DFFB: variants seen among roughly 807,000 people sequenced by gnomAD.
DFFB encodes DNA fragmentation factor subunit beta, also known as DNA fragmentation factor 40 kDa subunit.
DFFB carries 29 observed loss-of-function variants against 32.7 expected under a neutral mutation model. That is an observed-to-expected ratio of 0.89 (90% CI 0.66 to 1.21). The LOEUF (loss-of-function observed/expected upper bound fraction) is 1.21. Among genes scored for constraint, DFFB ranks in the 50% most tolerant of loss-of-function variants. The pLI is 0.00. For synonymous variants in DFFB, 170 were observed against 177.1 expected (o/e 0.96, Z 0.32); for missense variants, 398 against 440.6 (o/e 0.90, Z 0.87).
chr1:3,873,220 G>A (rs755144483), intron 6 of DFFB: 10 of 175,592 alleles, frequency 5.7e-5, no homozygotes, highest in Non-Finnish European at 8.8e-5. Flanking sequence ...TTTCACAGCC[G>A]TACGAGCTCT....
At position 3,883,805 on chromosome 1, in the gene DFFB, CTTTT is replaced by C. The variant is rs1412987282; in HGVS notation, c.*67_*70del. ...ACGTGGGCATCATTTTAACAGGTGCCTTTTTTGTTTTTTTGTTTTTCGTTTTTTT... is the reference window on the plus strand; with the variant it reads ...ACGTGGGCATCATTTTAACAGGTGCCTTGTTTTTTTGTTTTTCGTTTTTTT... On this transcript the variant is annotated 3_prime_UTR_variant, in exon 7 of 7. Coordinates refer to ENST00000378209, the MANE Select transcript of DFFB (RefSeq NM_004402.4). 105 of 1,471,554 alleles carry C rather than the reference CTTTT, an allele frequency of 7.1e-5. No individual in the cohort carries two copies. Among genetic ancestry groups the C allele is most frequent in the Non-Finnish European group, 9.5e-5 (102 of 1,072,948 alleles). The allele number at this position is 1,471,554 out of a possible 1,614,324, so 91.2% of individuals were successfully genotyped here.
intron 5 of DFFB, among the ~76,000 whole-genome samples, chr1:3,871,762 G>A (rs1221683693): frequency 1.3e-5 from 2 of 152,208 alleles, no homozygotes; most frequent in Non-Finnish European, 1.5e-5. Flanking sequence ...ATTGGCTTAC[G>A]GTTCAGCAGG....
chr1:3,878,539 G>T (rs184896898), intron 6 of DFFB, among the ~76,000 whole-genome samples: 2 of 152,152 alleles, frequency 1.3e-5, no homozygotes, highest in Non-Finnish European at 2.9e-5. Context: ...CCACCATGCC[G>T]CATCTTCACT....
chr1:3,879,240 G>A (rs141857717), intron 6 of DFFB, among the ~76,000 whole-genome samples: 3 of 152,280 alleles, frequency 2.0e-5, no homozygotes, highest in Admixed American at 6.5e-5. Context: ...ATGCTTCTGC[G>A]TTGATGAGGT....
chr1:3,861,153 CAAAAA>C (rs56961503), intron 2 of DFFB, among the ~76,000 whole-genome samples: 2 of 122,914 alleles, frequency 1.6e-5, no homozygotes, highest in Non-Finnish European at 1.6e-5. Context: ...GACTCCATCT[CAAAAA>C]AAAAAAAAAA....
intron 2 of DFFB, among the ~76,000 whole-genome samples, chr1:3,863,775 C>T (rs77858528): frequency 0.089 from 13,506 of 151,768 alleles, 621 homozygotes; most frequent in Middle Eastern, 0.11. Flanking sequence ...ATACCCAGAA[C>T]GGGGATGTTA....
intron 6 of DFFB, among the ~76,000 whole-genome samples, chr1:3,879,489 C>T (rs1426605268): frequency 1.3e-5 from 2 of 152,128 alleles, no homozygotes; most frequent in Non-Finnish European, 2.9e-5. Flanking sequence ...GAGGGTGGGG[C>T]CCTAATCCAC....
Position 3,857,696 on chromosome 1 carries a change from C to T in DFFB, c.93C>T (p.Arg31=), listed in dbSNP as rs1475283540. 4 of 1,562,090 alleles carry T rather than the reference C, an allele frequency of 2.6e-6. No homozygotes were observed. The change falls in exon 1 of 7, where the codon CGC becomes CGT. Residue 31 remains arginine (R), a synonymous_variant. Transcript: ENST00000378209. ...VAGRSCQEVL[R]KGCLRFQLPE... ...GCCGGAGCTGCCAGGAGGTGCTGCG[C>T]AAGGGCTGTCTCCGCTTCCAGGTGC...
chr1:3,883,861 A>T lies in DFFB; in HGVS notation c.*120A>T. 1.4e-6 allele frequency: 1 copy of T among 714,806 alleles called. No homozygotes were observed. The highest frequency in any genetic ancestry group is 2.3e-6 in the Non-Finnish European group (1 of 427,518). 44.3% of individuals were successfully genotyped at this position (714,806 alleles called of 1,614,324 possible). A position where few individuals can be genotyped will look rare whatever the true frequency, so the allele number is the denominator to read the frequency against. On this transcript the variant is annotated 3_prime_UTR_variant, in exon 7 of 7. Transcript: ENST00000378209. The stretch of plus-strand genomic sequence containing the variant: ...GTCACTCCAGTAGCTCCTGGAAAAA[A>T]CCTTAAAAAATGTTTCCTCCAAATC...
intron 6 of DFFB, among the ~76,000 whole-genome samples, chr1:3,878,019 G>C (rs1402335781): frequency 1.3e-5 from 2 of 152,178 alleles, no homozygotes; most frequent in African/African-American, 4.8e-5. Context: ...GCCGCAGCTT[G>C]AACCTCCTGC....
intron 1 of DFFB, 145 bp downstream of exon 1, chr1:3,857,862 G>GCC: frequency 1.7e-6 from 1 of 573,504 alleles, no homozygotes; most frequent in Non-Finnish European, 2.9e-6. Flanking sequence ...AGGACCCCGG[G>GCC]CCCCCGCAGC....
At chr1:3,878,367 G>A (rs1465929119) in intron 6 of DFFB, among the ~76,000 whole-genome samples, 1 of 152,138 alleles carries the variant, frequency 6.6e-6, no homozygotes, top group Non-Finnish European at 1.5e-5. Flanking sequence ...GGCCAGCCTG[G>A]TCTCAAGCTC....
At chr1:3,882,430 A>G (rs1020437081) in intron 6 of DFFB, among the ~76,000 whole-genome samples, 3 of 151,532 alleles carry the variant, frequency 2.0e-5, no homozygotes, top group Admixed American at 6.6e-5. Flanking sequence ...CGGTGGCACA[A>G]TCTTTCTCTC....
At chr1:3,872,942 T>G in intron 6 of DFFB, 1 of 1,224,534 alleles carries the variant, frequency 8.2e-7, no homozygotes, top group Non-Finnish European at 1.0e-6. Context: ...TGAACCAGGG[T>G]GAGCTCAGAC....
intron 5 of DFFB, among the ~76,000 whole-genome samples, chr1:3,871,969 C>A (rs953859388): frequency 6.6e-6 from 1 of 152,128 alleles, no homozygotes; most frequent in African/African-American, 2.4e-5. Flanking sequence ...AGCACCCAGG[C>A]GATGGTGCTA....
chr1:3,865,597 C>A lies in DFFB; in HGVS notation c.242-215C>A. On this transcript the variant is annotated intron_variant, in intron 2 of 6. Coordinates refer to ENST00000378209, the MANE Select transcript of DFFB (RefSeq NM_004402.4). This position sits in a 1 kb window ranked among gnomAD's most constrained non-coding sequence, Gnocchi z 4.7. ...CATCTGTCCTCTAAAGCACACCCTGCCCCTCCCTCCTCTGTCCTCATGCCG... is the reference window on the plus strand; with the variant it reads ...CATCTGTCCTCTAAAGCACACCCTGACCCTCCCTCCTCTGTCCTCATGCCG... 1 of 701,566 alleles carries A rather than the reference C, an allele frequency of 1.4e-6. No homozygotes were observed. Among genetic ancestry groups the A allele is most frequent in the Non-Finnish European group, 2.6e-6 (1 of 390,936 alleles). The allele number at this position is 701,566 out of a possible 1,614,324, so 43.5% of individuals were successfully genotyped here. A position where few individuals can be genotyped will look rare whatever the true frequency, so the allele number is the denominator to read the frequency against.
At position 3,858,737 on chromosome 1, in the gene DFFB, G is replaced by A. The variant is rs1289739785; in HGVS notation, c.134G>A (p.Arg45Gln). 4 of 1,613,986 alleles carry A rather than the reference G, an allele frequency of 2.5e-6. No homozygotes were observed. The highest frequency in any genetic ancestry group is 3.4e-6 in the Non-Finnish European group (4 of 1,180,044). ...CTGCAGCTCCCTGAGCGCGGTTCCC[G>A]GCTGTGCCTGTACGAGGATGGCACG... ...LRFQLPERGSRLCLYEDGTEL... is the reference protein window; with the variant it reads ...LRFQLPERGSQLCLYEDGTEL... The change falls in exon 2 of 7, where the codon CGG becomes CAG. Residue 45 changes from arginine (R) to glutamine (Q), a missense_variant. Physicochemically the swap from Arg to Gln is conservative, Grantham distance 43. Transcript: ENST00000378209.
chr1:3,868,817 G>A (rs948904394), intron 4 of DFFB, among the ~76,000 whole-genome samples: 5 of 152,250 alleles, frequency 3.3e-5, no homozygotes, highest in Non-Finnish European at 5.9e-5. Flanking sequence ...CTGCGTGGTC[G>A]GCCCCCACGC....
intron 3 of DFFB, among the ~76,000 whole-genome samples, chr1:3,867,243 C>G (rs1045908610): frequency 6.6e-5 from 10 of 152,352 alleles, no homozygotes; most frequent in Non-Finnish European, 1.2e-4. Flanking sequence ...CGTGTACATA[C>G]CACGCCATCT....
Sources: gnomAD v4.1 joint callset for allele counts (sites outside exome capture counted in the v4.1 genomes callset) on GRCh38, gnomAD v4.1.1 for gene constraint, Gnocchi (gnomAD v3.1) non-coding constraint, MANE v1.5 for transcripts, NCBI Gene and HGNC (gene_info 2026-07-23, HGNC 2026-07-21) for gene names.